Variants in SPRYD4 observed in about 807,000 individuals in gnomAD.
SPRYD4 encodes the protein SPRY domain containing 4.
In SPRYD4, 12 loss-of-function variants were observed where a neutral mutation model predicts 16.6. The ratio of observed to expected loss-of-function variants is 0.72; its 90% confidence interval spans 0.46 to 1.17. The LOEUF (loss-of-function observed/expected upper bound fraction) is 1.17. Ranked by LOEUF, SPRYD4 falls within the 50% of genes most tolerant of loss-of-function variation. The pLI is 0.00. For synonymous variants in SPRYD4, 98 were observed against 105.4 expected (o/e 0.93, Z 0.43); for missense variants, 260 against 260.2 (o/e 1.00, Z 0.00).
chr12:56,474,661 G>A lies in SPRYD4; in HGVS notation c.*5084G>A, dbSNP rs140798971. On this transcript the variant is annotated 3_prime_UTR_variant, in exon 2 of 2. Coordinates refer to ENST00000338146, the MANE Select transcript of SPRYD4 (RefSeq NM_207344.4). ...CGCCTGTGATGGGGCAGATCCCACC[G>A]TTGGCGAGGGTGGCTGCCATGACAC... 1.5e-4 allele frequency: 236 copies of A among 1,613,580 alleles called. No homozygotes were observed. The highest frequency in any genetic ancestry group is 1.9e-4 in the Non-Finnish European group (228 of 1,179,684).
Position 56,472,155 on chromosome 12 carries a change from CAT to C in SPRYD4, c.*2580_*2581del, listed in dbSNP as rs748734800. ...GCAACATGCAGAGCTGTGCGCGAGT[CAT>C]AGTCTTTCTGTTCCATATCCATGGC... On this transcript the variant is annotated 3_prime_UTR_variant, in exon 2 of 2. Coordinates refer to ENST00000338146, the MANE Select transcript of SPRYD4 (RefSeq NM_207344.4). 3.1e-6 allele frequency: 5 copies of C among 1,614,150 alleles called. No homozygotes were observed. In the East Asian group the frequency reaches 8.9e-5, roughly 29 times the overall value.
In SPRYD4 at chr12:56,469,076, C is replaced by A; in HGVS notation, c.123C>A (p.Ser41Arg). The change falls in exon 2 of 2, where the codon AGC becomes AGA. Residue 41 changes from serine (S) to arginine (R), a missense_variant. Transcript: ENST00000338146. ...SFKLEEKTAH[S>R]SLALFRDDTG... Reference sequence around the variant, plus strand: ...AACTGGAAGAAAAAACCGCCCACAGCAGCCTGGCACTCTTCAGAGATGATA... The same window carrying A: ...AACTGGAAGAAAAAACCGCCCACAGAAGCCTGGCACTCTTCAGAGATGATA... 6.3e-7 allele frequency: 1 copy of A among 1,580,268 alleles called. No homozygotes were observed. Among genetic ancestry groups the A allele is most frequent in the Non-Finnish European group, 8.6e-7 (1 of 1,163,086 alleles).
At position 56,474,667 on chromosome 12, in the gene SPRYD4, G is replaced by A. The variant is rs145926460; in HGVS notation, c.*5090G>A. On this transcript the variant is annotated 3_prime_UTR_variant, in exon 2 of 2. Transcript: ENST00000338146. ...TGATGGGGCAGATCCCACCGTTGGC[G>A]AGGGTGGCTGCCATGACACTGCCTG... is the stretch of plus-strand genomic sequence containing the variant. 1.3e-3 allele frequency: 2,095 copies of A among 1,613,506 alleles called. 4 individuals carry two copies. The highest frequency in any genetic ancestry group is 3.6e-3 in the Admixed American group (214 of 59,992).
Position 56,473,730 on chromosome 12 carries a change from T to TA in SPRYD4, c.*4154dup. On this transcript the variant is annotated 3_prime_UTR_variant, in exon 2 of 2. Transcript: ENST00000338146. ...CACCTCAACCTTTTGGCTTGTTAAT[T>TA]AGCTTCTTTTATTACTCCTGTCCTT... The TA allele has an allele frequency of 9.6e-7, 1 of 1,046,536 alleles. No homozygotes were observed. The highest frequency in any genetic ancestry group is 1.3e-6 in the Non-Finnish European group (1 of 752,776). The allele number at this position is 1,046,536 out of a possible 1,614,324, so 64.8% of individuals were successfully genotyped here. A position where few individuals can be genotyped will look rare whatever the true frequency, so the allele number is the denominator to read the frequency against.
In SPRYD4 at chr12:56,472,834, T is replaced by C; in HGVS notation, c.*3257T>C. ...CCTGTGACCCTCCTCCATGGATGCT[T>C]AGTCCAAGGGTATTGCTGAAGTGTT... On this transcript the variant is annotated 3_prime_UTR_variant, in exon 2 of 2. Coordinates refer to ENST00000338146, the MANE Select transcript of SPRYD4 (RefSeq NM_207344.4). The C allele has an allele frequency of 9.0e-7, 1 of 1,113,790 alleles. No individual in the cohort carries two copies. The highest frequency in any genetic ancestry group is 1.7e-5 in the Admixed American group (1 of 59,176). The allele number at this position is 1,113,790 out of a possible 1,614,324, so 69.0% of individuals were successfully genotyped here.
chr12:56,475,195 GAACTACATCACA>G lies in SPRYD4; in HGVS notation c.*5619_*5630del. ...AAAAATTACCTTCCCTGGAGAGACA[GAACTACATCACA>G]CCACAAACTAAATGAACCCCTTTAT... On this transcript the variant is annotated 3_prime_UTR_variant, in exon 2 of 2. Transcript: ENST00000338146. The G allele has an allele frequency of 6.2e-7, 1 of 1,605,534 alleles. No homozygotes were observed. Among genetic ancestry groups the G allele is most frequent in the Admixed American group, 1.7e-5 (1 of 60,010 alleles).
Position 56,472,876 on chromosome 12 carries a change from T to TGTAGTGGC in SPRYD4, c.*3300_*3301insTAGTGGCG. ...TGAAGTGTTATGGAATGTGCTACTCTGAAATATTCTTTTTTTTTTTTTTTT... is the reference window on the plus strand; with the variant it reads ...TGAAGTGTTATGGAATGTGCTACTCTGTAGTGGCGAAATATTCTTTTTTTTTTTTTTTT... On this transcript the variant is annotated 3_prime_UTR_variant, in exon 2 of 2. Coordinates refer to ENST00000338146, the MANE Select transcript of SPRYD4 (RefSeq NM_207344.4). 1.5e-6 allele frequency: 1 copy of TGTAGTGGC among 681,156 alleles called. No homozygotes were observed. Among genetic ancestry groups the TGTAGTGGC allele is most frequent in the Non-Finnish European group, 2.5e-6 (1 of 405,822 alleles). 42.2% of individuals were successfully genotyped at this position (681,156 alleles called of 1,614,324 possible). A position where few individuals can be genotyped will look rare whatever the true frequency, so the allele number is the denominator to read the frequency against.
Position 56,472,022 on chromosome 12 carries a change from C to A in SPRYD4, c.*2445C>A. ...TGTCTAGATAAAACTAGTTGCTGCC[C>A]CTATAACCTTGAGGGCACATATAAT... is the stretch of plus-strand genomic sequence containing the variant. On this transcript the variant is annotated 3_prime_UTR_variant, in exon 2 of 2. Transcript: ENST00000338146. 1 of 1,398,172 alleles carries A rather than the reference C, an allele frequency of 7.2e-7. No individual in the cohort carries two copies. Among genetic ancestry groups the A allele is most frequent in the South Asian group, 1.2e-5 (1 of 83,124 alleles). The allele number at this position is 1,398,172 out of a possible 1,614,324, so 86.6% of individuals were successfully genotyped here.
rs1230558243 is a variant in SPRYD4 at position 56,471,715 on chromosome 12, C to T, written c.*2138C>T. On this transcript the variant is annotated 3_prime_UTR_variant, in exon 2 of 2. Coordinates refer to ENST00000338146, the MANE Select transcript of SPRYD4 (RefSeq NM_207344.4). ...GTGGTTGTATATATTTGCATGGTGG[C>T]TGGAGGGTAGGTGGAGAAGCTGTGC... is the stretch of plus-strand genomic sequence containing the variant. 5.3e-5 allele frequency: 86 copies of T among 1,610,904 alleles called. No individual in the cohort carries two copies. The highest frequency in any genetic ancestry group is 1.3e-4 in the Admixed American group (8 of 59,988).
At position 56,474,641 on chromosome 12, in the gene SPRYD4, G is replaced by A. The variant is rs150956694; in HGVS notation, c.*5064G>A. 1 of 1,614,060 alleles carries A rather than the reference G, an allele frequency of 6.2e-7. No homozygotes were observed. The highest frequency in any genetic ancestry group is 1.3e-5 in the African/African-American group (1 of 74,950). ...TTCAGCACTCAGCACACTCTCGCCTGTGATGGGGCAGATCCCACCGTTGGC... is the reference window on the plus strand; with the variant it reads ...TTCAGCACTCAGCACACTCTCGCCTATGATGGGGCAGATCCCACCGTTGGC... On this transcript the variant is annotated 3_prime_UTR_variant, in exon 2 of 2. Coordinates refer to ENST00000338146, the MANE Select transcript of SPRYD4 (RefSeq NM_207344.4).
In SPRYD4 at chr12:56,474,510, T is replaced by C. The variant is rs748025203; in HGVS notation, c.*4933T>C. 5 of 1,611,918 alleles carry C rather than the reference T, an allele frequency of 3.1e-6. No homozygotes were observed. The highest frequency in any genetic ancestry group is 4.2e-6 in the Non-Finnish European group (5 of 1,179,766). On this transcript the variant is annotated 3_prime_UTR_variant, in exon 2 of 2. Transcript: ENST00000338146. The stretch of plus-strand genomic sequence containing the variant: ...GTGTTCTCTCTTCTTAGCACTGGGC[T>C]CATGACAGATGGATAGCAGAGCCAG...
At position 56,476,087 on chromosome 12, in the gene SPRYD4, A is replaced by G. The variant is rs2136184814; in HGVS notation, c.*6510A>G. On this transcript the variant is annotated 3_prime_UTR_variant, in exon 2 of 2. Coordinates refer to ENST00000338146, the MANE Select transcript of SPRYD4 (RefSeq NM_207344.4). ...TGTTAGTCTGGTCCTGCTGCTGCAA[A>G]TGTGTTCAATTTTATAATGGCCCTT... is the stretch of plus-strand genomic sequence containing the variant. 1 of 1,025,796 alleles carries G rather than the reference A, an allele frequency of 9.7e-7. No homozygotes were observed. The highest frequency in any genetic ancestry group is 2.4e-5 in the East Asian group (1 of 41,196). The allele number at this position is 1,025,796 out of a possible 1,614,324, so 63.5% of individuals were successfully genotyped here.
In SPRYD4 at chr12:56,474,498, T is replaced by G. The variant is rs1869610265; in HGVS notation, c.*4921T>G. Reference sequence around the variant, plus strand: ...TTGAGAGAGTCAGTGTTCTCTCTTCTTAGCACTGGGCTCATGACAGATGGA... The same window carrying G: ...TTGAGAGAGTCAGTGTTCTCTCTTCGTAGCACTGGGCTCATGACAGATGGA... On this transcript the variant is annotated 3_prime_UTR_variant, in exon 2 of 2. Coordinates refer to ENST00000338146, the MANE Select transcript of SPRYD4 (RefSeq NM_207344.4). 2 of 1,608,874 alleles carry G rather than the reference T, an allele frequency of 1.2e-6. No homozygotes were observed. The highest frequency in any genetic ancestry group is 2.7e-5 in the African/African-American group (2 of 74,900).
intron 1 of SPRYD4, 146 bp downstream of exon 1, chr12:56,468,822 A>T: frequency 1.9e-6 from 2 of 1,056,430 alleles, no homozygotes; most frequent in South Asian, 3.2e-5. Flanking sequence ...CTGTGATACC[A>T]TTTGGTTTCT....
rs752875915 is a variant in SPRYD4 at position 56,471,663 on chromosome 12, G to C, written c.*2086G>C. 1 of 1,613,682 alleles carries C rather than the reference G, an allele frequency of 6.2e-7. No individual in the cohort carries two copies. The highest frequency in any genetic ancestry group is 2.2e-5 in the East Asian group (1 of 44,870). On this transcript the variant is annotated 3_prime_UTR_variant, in exon 2 of 2. Transcript: ENST00000338146. Reference sequence around the variant, plus strand: ...CCCCACCTGAGAGGAATAATGATATGATCAGGCAAAGGAGACGTGGAGAGT... The same window carrying C: ...CCCCACCTGAGAGGAATAATGATATCATCAGGCAAAGGAGACGTGGAGAGT...
chr12:56,474,973 C>T lies in SPRYD4; in HGVS notation c.*5396C>T. 1 of 1,613,724 alleles carries T rather than the reference C, an allele frequency of 6.2e-7. No individual in the cohort carries two copies. Among genetic ancestry groups the T allele is most frequent in the Middle Eastern group, 1.7e-4 (1 of 5,886 alleles). ...CACTGTCAGGGTCTCAGCTGAAGCC[C>T]CCAACCCCTACTGCCCTTCCACTAG... On this transcript the variant is annotated 3_prime_UTR_variant, in exon 2 of 2. Coordinates refer to ENST00000338146, the MANE Select transcript of SPRYD4 (RefSeq NM_207344.4).
In SPRYD4 at chr12:56,474,238, C is replaced by T. The variant is rs761043756; in HGVS notation, c.*4661C>T. On this transcript the variant is annotated 3_prime_UTR_variant, in exon 2 of 2. Coordinates refer to ENST00000338146, the MANE Select transcript of SPRYD4 (RefSeq NM_207344.4). ...CCAAGTAGCTGGGATTACAGGTGCA[C>T]ACCACCACCCCCGGCTAATTTTTTG... 18 of 357,934 alleles carry T rather than the reference C, an allele frequency of 5.0e-5. No individual in the cohort carries two copies. The highest frequency in any genetic ancestry group is 9.5e-5 in the Non-Finnish European group (18 of 188,850). The allele number at this position is 357,934 out of a possible 1,614,324, so 22.2% of individuals were successfully genotyped here.
rs1224429737 is a variant in SPRYD4, at chr12:56,470,584, C to G, written c.*1007C>G. 6.6e-6 allele frequency: 1 copy of G among 152,210 alleles called. No homozygotes were observed. The highest frequency in any genetic ancestry group is 1.5e-5 in the Non-Finnish European group (1 of 68,086). The allele number at this position is 152,210 out of a possible 1,614,324, so 9.4% of individuals were successfully genotyped here. ...ATGTGATCAGCCCACCTTGGCCTCC[C>G]AAAGTGCTGGGATTTCAGGCGTGAG... On this transcript the variant is annotated 3_prime_UTR_variant, in exon 2 of 2. Transcript: ENST00000338146.
Position 56,474,397 on chromosome 12 carries a change from C to T in SPRYD4, c.*4820C>T, listed in dbSNP as rs949702817. ...AGGAACTTGGTGTTTTTGAGAAACT[C>T]GTCTAAGGAGTCTCAACCTAATTGC... On this transcript the variant is annotated 3_prime_UTR_variant, in exon 2 of 2. Transcript: ENST00000338146. The T allele has an allele frequency of 1.8e-5, 17 of 924,096 alleles. No homozygotes were observed. In the East Asian group the frequency reaches 3.2e-4, roughly 17 times the overall value. The allele number at this position is 924,096 out of a possible 1,614,324, so 57.2% of individuals were successfully genotyped here.
Sources: allele counts gnomAD v4.1 joint callset, GRCh38; gene constraint gnomAD v4.1.1; transcripts MANE v1.5; gene names NCBI Gene and HGNC (gene_info 2026-07-23, HGNC 2026-07-21).